Variants in DCAF5 observed in about 807,000 individuals in gnomAD.
DCAF5 encodes DDB1 and CUL4 associated factor 5, also known as DDB1- and CUL4-associated factor 5.
Under a neutral mutation model 80.7 loss-of-function variants are expected in DCAF5, and 9 were observed. The ratio of observed to expected loss-of-function variants is 0.11; its 90% CI spans 0.07 to 0.19. The LOEUF is 0.19. Among genes scored for constraint, DCAF5 ranks in the 10% least tolerant of loss-of-function variants. DCAF5 has a pLI of 1.00. For synonymous variants in DCAF5, 433 were observed against 461.9 expected, an observed-to-expected ratio of 0.94 and a Z score of 0.80; for missense variants, 842 against 1,205.7, an observed-to-expected ratio of 0.70 and a Z score of 4.47.
At chr14:69,069,330 A>T (rs2038592711) in intron 7 of DCAF5, among the ~76,000 whole-genome samples, 1 of 152,240 alleles carries the variant, frequency 6.6e-6, no homozygotes, top group South Asian at 2.1e-4. Context: ...AACCCTCCTG[A>T]ACTACTGATG....
At chr14:69,066,836 A>G (rs1021033022) in intron 7 of DCAF5, among the ~76,000 whole-genome samples, 23 of 152,100 alleles carry the variant, frequency 1.5e-4, no homozygotes, top group African/African-American at 5.6e-4. Flanking sequence ...TACTATTCCC[A>G]TTTCTAGCCA....
chr14:69,123,357 G>A (rs1301811741), intron 1 of DCAF5, among the ~76,000 whole-genome samples: 1 of 151,992 alleles, frequency 6.6e-6, no homozygotes, highest in East Asian at 1.9e-4. Context: ...AGCATTGACA[G>A]TATGCTTATA....
chr14:69,133,381 T>A (rs945702349), intron 1 of DCAF5, among the ~76,000 whole-genome samples: 1 of 152,222 alleles, frequency 6.6e-6, no homozygotes, highest in Non-Finnish European at 1.5e-5. Flanking sequence ...TTTTAAAAGA[T>A]AAGCCACCAT....
At chr14:69,067,667 A>G (rs2038512254) in intron 7 of DCAF5, among the ~76,000 whole-genome samples, 1 of 148,172 alleles carries the variant, frequency 6.7e-6, no homozygotes, top group African/African-American at 2.5e-5. Flanking sequence ...TTTTTTTAAG[A>G]TGGAGTCTCA....
chr14:69,055,057 G>T lies in DCAF5; in HGVS notation c.1629C>A (p.Asp543Glu), dbSNP rs748328566. 1 of 1,614,104 alleles carries T rather than the reference G, an allele frequency of 6.2e-7. No homozygotes were observed. The highest frequency in any genetic ancestry group is 1.3e-5 in the African/African-American group (1 of 74,936). ...ACCGTGGCCGGGGAAAGAGATCTGT[G>T]TCTAGTTCCACCTCACAGACATTCT... ...SEENVCEVEL[D>E]TDLFPRPRSP... Residue 543 changes from aspartate to glutamate, a missense_variant, in exon 9 of 9, where the codon GAC becomes GAA. By Grantham distance (45) the Asp-to-Glu change is conservative. Coordinates refer to ENST00000341516, the MANE Select transcript of DCAF5 (RefSeq NM_003861.3). The surrounding 1 kb of genome is among the most constrained non-coding windows in gnomAD (Gnocchi z 5.6).
At chr14:69,062,280 C>A in intron 8 of DCAF5, 104 bp downstream of exon 8, 2 of 1,240,900 alleles carry the variant, frequency 1.6e-6, no homozygotes, top group South Asian at 1.5e-5. Flanking sequence ...TCTGATAGAC[C>A]TTTAGTATGT....
At position 69,137,897 on chromosome 14, in the gene DCAF5, ATAAAT is replaced by A. The variant is rs1203142841; in HGVS notation, c.214+14863_214+14867del. ...GTTAATGTATTACTGTGCCTAACTTATAAATTAAATTTTACCATAGGTATGTATAC... is the reference window on the plus strand; with the variant it reads ...GTTAATGTATTACTGTGCCTAACTTATAAATTTTACCATAGGTATGTATAC... On this transcript the variant is annotated intron_variant, in intron 1 of 8. Transcript: ENST00000341516. 2.0e-5 allele frequency among the ~76,000 whole-genome samples: 3 copies of A among 152,332 alleles called. No homozygotes were observed. In the East Asian group the frequency reaches 5.8e-4, roughly 29 times the overall value.
At chr14:69,115,304 C>G (rs1168602493) in intron 5 of DCAF5, among the ~76,000 whole-genome samples, 1 of 152,138 alleles carries the variant, frequency 6.6e-6, no homozygotes, top group Non-Finnish European at 1.5e-5. Context: ...GAGCCTTGCT[C>G]AATGACAGGG....
At chr14:69,132,559 A>G (rs1462566192) in intron 1 of DCAF5, among the ~76,000 whole-genome samples, 5 of 152,104 alleles carry the variant, frequency 3.3e-5, no homozygotes, top group Non-Finnish European at 7.4e-5. Context: ...ATTGTTTTGC[A>G]TTTCACTGCC....
At chr14:69,086,896 T>C (rs781716257) in intron 6 of DCAF5, among the ~76,000 whole-genome samples, 3 of 152,222 alleles carry the variant, frequency 2.0e-5, no homozygotes, top group Non-Finnish European at 4.4e-5. Context: ...AAGACCAGTA[T>C]AAGAGATCTC....
chr14:69,140,945 C>T (rs960744475), intron 1 of DCAF5, among the ~76,000 whole-genome samples: 1 of 151,816 alleles, frequency 6.6e-6, no homozygotes, highest in African/African-American at 2.4e-5. Context: ...ACCAGCCTGG[C>T]CAACACGGTG....
At chr14:69,100,532 C>T (rs1030010652) in intron 5 of DCAF5, among the ~76,000 whole-genome samples, 3 of 152,142 alleles carry the variant, frequency 2.0e-5, no homozygotes, top group Non-Finnish European at 2.9e-5. Flanking sequence ...AATAATATCC[C>T]TCCTTTGGTA....
chr14:69,065,168 G>GCTCAC (rs2038386284), intron 7 of DCAF5, among the ~76,000 whole-genome samples: 1 of 148,384 alleles, frequency 6.7e-6, no homozygotes, highest in African/African-American at 2.5e-5. Context: ...CTCGATCTCG[G>GCTCAC]CTCACTGCAA....
At position 69,091,894 on chromosome 14, in the gene DCAF5, G is replaced by A. The variant is rs372732001; in HGVS notation, c.666-7C>T. 1.8e-5 allele frequency: 29 copies of A among 1,605,200 alleles called. No individual in the cohort carries two copies. Among genetic ancestry groups the A allele is most frequent in the Non-Finnish European group, 2.5e-5 (29 of 1,175,114 alleles). On this transcript the variant is annotated splice_polypyrimidine_tract_variant and splice_region_variant and intron_variant, in intron 5 of 8. Transcript: ENST00000341516. ...ACCATAGCGCAGGAGAGAACTGGAAGGCACAAGGCACAGGAATCAGGCATG... is the reference window on the plus strand; with the variant it reads ...ACCATAGCGCAGGAGAGAACTGGAAAGCACAAGGCACAGGAATCAGGCATG...
At chr14:69,094,165 C>T (rs377494986) in intron 5 of DCAF5, among the ~76,000 whole-genome samples, 2 of 152,208 alleles carry the variant, frequency 1.3e-5, no homozygotes, top group Admixed American at 6.5e-5. Context: ...AGCCTCACCA[C>T]CCATAGCAGC....
Position 69,052,544 on chromosome 14 carries a change from A to G in DCAF5, c.*1313T>C, listed in dbSNP as rs2037795338. 1 of 152,628 alleles carries G rather than the reference A, an allele frequency of 6.6e-6. No individual in the cohort carries two copies. Among genetic ancestry groups the G allele is most frequent in the Middle Eastern group, 3.2e-3 (1 of 316 alleles). 9.5% of individuals were successfully genotyped at this position (152,628 alleles called of 1,614,324 possible). A position where few individuals can be genotyped will look rare whatever the true frequency, so the allele number is the denominator to read the frequency against. On this transcript the variant is annotated 3_prime_UTR_variant, in exon 9 of 9. Coordinates refer to ENST00000341516, the MANE Select transcript of DCAF5 (RefSeq NM_003861.3). ...ACCTTCCTGTTTTGCACAACCCTTC[A>G]TAGATAACCGAGTGACTGCAACGCT... is the stretch of plus-strand genomic sequence containing the variant.
At chr14:69,085,277 A>T (rs1476363335) in intron 6 of DCAF5, 2 of 716,504 alleles carry the variant, frequency 2.8e-6, no homozygotes, top group Admixed American at 1.8e-5. Flanking sequence ...AAGCAGAAAA[A>T]GCGAGTAGGC....
chr14:69,089,887 G>T, intron 6 of DCAF5: 1 of 972,980 alleles, frequency 1.0e-6, no homozygotes, highest in Non-Finnish European at 1.2e-6. Context: ...ACACAACAAA[G>T]AACTATCTAG....
At chr14:69,092,546 G>C (rs559963497) in intron 5 of DCAF5, among the ~76,000 whole-genome samples, 1 of 152,190 alleles carries the variant, frequency 6.6e-6, no homozygotes, top group African/African-American at 2.4e-5. Context: ...TGAGCCTAGG[G>C]GGTTGAAGCT....
Sources: allele counts gnomAD v4.1 joint callset (sites outside exome capture counted in the v4.1 genomes callset), GRCh38; gene constraint gnomAD v4.1.1; non-coding constraint Gnocchi (gnomAD v3.1); transcripts MANE v1.5; gene names NCBI Gene and HGNC (gene_info 2026-07-23, HGNC 2026-07-21).